SPAG9: variants seen among roughly 807,000 people sequenced by gnomAD.
SPAG9 encodes the protein sperm associated antigen 9, also known as C-Jun-amino-terminal kinase-interacting protein 4.
A neutral mutation model predicts 166.5 loss-of-function variants in SPAG9; 35 were observed. That is an observed-to-expected ratio of 0.21 (90% confidence interval 0.16 to 0.28). The LOEUF (loss-of-function observed/expected upper bound fraction) is 0.28. Ranked by LOEUF, SPAG9 falls within the 10% of genes least tolerant of loss-of-function variation. The pLI, the probability that SPAG9 is intolerant of heterozygous loss-of-function variation, is 1.00. For synonymous variants in SPAG9, 534 were observed against 565.5 expected, an observed-to-expected ratio of 0.94 and a Z score of 0.79; for missense variants, 1,235 against 1,603.3, an observed-to-expected ratio of 0.77 and a Z score of 3.92.
At chr17:51,055,686 T>C (rs2047345234) in intron 3 of SPAG9, among the ~76,000 whole-genome samples, 1 of 152,126 alleles carries the variant, frequency 6.6e-6, no homozygotes, top group Admixed American at 6.5e-5. Context: ...GGAATTATTT[T>C]TTTCATGTAA....
intron 5 of SPAG9, among the ~76,000 whole-genome samples, chr17:51,033,324 A>G (rs2046458614): frequency 6.6e-6 from 1 of 151,824 alleles, no homozygotes; most frequent in African/African-American, 2.4e-5. Context: ...AAAAAAAAAA[A>G]AAGCAAGCAG....
chr17:51,051,040 A>AAC (rs1433839309), intron 3 of SPAG9, among the ~76,000 whole-genome samples: 16 of 151,108 alleles, frequency 1.1e-4, no homozygotes, highest in Non-Finnish European at 2.9e-5. Flanking sequence ...AAATAAAAAA[A>AAC]AAACAAAAAG....
chr17:51,059,211 T>G (rs528427528), intron 2 of SPAG9, among the ~76,000 whole-genome samples: 88 of 152,162 alleles, frequency 5.8e-4, no homozygotes, highest in Non-Finnish European at 7.9e-4. Flanking sequence ...TAGTTACCTC[T>G]GGGGAGGAGT....
At chr17:51,015,125 A>G (rs2045642855) in intron 8 of SPAG9, among the ~76,000 whole-genome samples, 2 of 152,218 alleles carry the variant, frequency 1.3e-5, no homozygotes, top group South Asian at 4.1e-4. Context: ...ACTATAGCAG[A>G]TGAAATGTGA....
chr17:51,054,116 CTTTTTTTTTT>C (rs1157639358), intron 3 of SPAG9, among the ~76,000 whole-genome samples: 1 of 73,948 alleles, frequency 1.4e-5, no homozygotes, highest in African/African-American at 5.5e-5. Context: ...AATGTGAGGG[CTTTTTTTTTT>C]TTTTTTTTTT....
At chr17:51,003,389 G>A (rs1340279679) in intron 12 of SPAG9, among the ~76,000 whole-genome samples, 5 of 152,116 alleles carry the variant, frequency 3.3e-5, no homozygotes, top group Non-Finnish European at 7.4e-5. Context: ...TTCATGCTCT[G>A]TAACAATCGT....
At chr17:51,043,791 C>G (rs554384381) in intron 4 of SPAG9, among the ~76,000 whole-genome samples, 75 of 152,302 alleles carry the variant, frequency 4.9e-4, no homozygotes, top group Non-Finnish European at 8.8e-4. Context: ...ATAAGACTCC[C>G]TCACACTAAT....
chr17:51,077,061 T>TCTAGCTAG (rs1207956785), intron 2 of SPAG9, among the ~76,000 whole-genome samples: 1 of 109,656 alleles, frequency 9.1e-6, no homozygotes, highest in East Asian at 2.6e-4. Flanking sequence ...TAGCTAGCTA[T>TCTAGCTAG]CTAGCTAGCT....
rs371697971 is a variant in SPAG9 at position 50,999,644 on chromosome 17, T to C, written c.1664+17A>G. 4 of 1,606,644 alleles carry C rather than the reference T, an allele frequency of 2.5e-6. No individual in the cohort carries two copies. The highest frequency in any genetic ancestry group is 2.6e-6 in the Non-Finnish European group (3 of 1,174,184). On this transcript the variant is annotated intron_variant, in intron 14 of 29. Transcript: ENST00000262013. ...TGTCTCATGTGCTGTCTAACATCTTTGTTTTTCAATACTTACAACTGCCAA... is the reference window on the plus strand; with the variant it reads ...TGTCTCATGTGCTGTCTAACATCTTCGTTTTTCAATACTTACAACTGCCAA...
At chr17:50,981,608 T>C (rs1214540313) in intron 25 of SPAG9, among the ~76,000 whole-genome samples, 2 of 151,796 alleles carry the variant, frequency 1.3e-5, no homozygotes, top group African/African-American at 4.8e-5. Flanking sequence ...TTGAGACTTC[T>C]AGGGAAAGAA....
At chr17:51,005,714 G>A (rs2045185906) in intron 11 of SPAG9, among the ~76,000 whole-genome samples, 3 of 152,196 alleles carry the variant, frequency 2.0e-5, no homozygotes, top group Non-Finnish European at 4.4e-5. Flanking sequence ...AGCTGTGTGT[G>A]GTGGCAGGCA....
chr17:51,086,032 A>C (rs2048297855), intron 1 of SPAG9, among the ~76,000 whole-genome samples: 1 of 139,808 alleles, frequency 7.2e-6, no homozygotes, highest in Non-Finnish European at 1.5e-5. Flanking sequence ...GCAGTGGTGC[A>C]ATCTCAGCTC....
intron 1 of SPAG9, among the ~76,000 whole-genome samples, chr17:51,119,359 T>C (rs1009201056): frequency 7.2e-5 from 11 of 152,124 alleles, no homozygotes; most frequent in African/African-American, 2.4e-4. Context: ...GTGTGCTAGG[T>C]GCTTGAGAAA....
chr17:50,997,007 G>C (rs1173964560), intron 15 of SPAG9, among the ~76,000 whole-genome samples: 1 of 152,208 alleles, frequency 6.6e-6, no homozygotes, highest in Non-Finnish European at 1.5e-5. Context: ...AGGCACGGTA[G>C]TGCGGACCTA....
rs1974468144 is a variant in SPAG9, at chr17:50,979,891, C to T, written c.3264G>A (p.Lys1088=). The change falls in exon 26 of 30, where the codon AAG becomes AAA. Residue 1088 remains lysine (K), a synonymous_variant. Transcript: ENST00000262013. The part of the protein sequence containing the change: ...IEKSFDAHPR[K]ESQVRQLAWV... ...ACGCAAGCTGTCGCACTTGGCTCTC[C>T]TTCCTGGGATGTGCATCAAAAGATT... is the stretch of plus-strand genomic sequence containing the variant. The T allele has an allele frequency of 6.2e-7, 1 of 1,613,822 alleles. No individual in the cohort carries two copies. Among genetic ancestry groups the T allele is most frequent in the Non-Finnish European group, 8.5e-7 (1 of 1,179,822 alleles).
rs114803254 is a variant in SPAG9 at position 51,116,633 on chromosome 17, G to A, written c.303+3721C>T. Among the ~76,000 whole-genome samples, 194 of 152,128 alleles carry A rather than the reference G, an allele frequency of 1.3e-3. 1 individual carries two copies. The highest frequency in any genetic ancestry group is 4.5e-3 in the African/African-American group (185 of 41,500). The stretch of plus-strand genomic sequence containing the variant: ...AATTTAATTAGCCCAGTGTGGTAAC[G>A]CATGTCTGTGGTCCTAGCTACTCAG... On this transcript the variant is annotated intron_variant, in intron 1 of 29. Coordinates refer to ENST00000262013, the MANE Select transcript of SPAG9 (RefSeq NM_001130528.3).
chr17:50,983,187 C>T (rs1974782470), intron 24 of SPAG9, among the ~76,000 whole-genome samples: 1 of 152,170 alleles, frequency 6.6e-6, no homozygotes, highest in African/African-American at 2.4e-5. Flanking sequence ...AGCATACTGC[C>T]TCACAAAGCA....
At chr17:51,110,038 T>C (rs1039728782) in intron 1 of SPAG9, among the ~76,000 whole-genome samples, 5 of 152,092 alleles carry the variant, frequency 3.3e-5, no homozygotes, top group African/African-American at 1.2e-4. Context: ...ACGTAAATAA[T>C]ATGGTGGTTA....
At chr17:51,031,584 G>T in intron 6 of SPAG9, 97 bp downstream of exon 6, 1 of 869,726 alleles carries the variant, frequency 1.1e-6, no homozygotes, top group Non-Finnish European at 1.9e-6. Context: ...CTTCCAAGCT[G>T]AGCATCTGAT....
Sources: allele counts gnomAD v4.1 joint callset (sites outside exome capture counted in the v4.1 genomes callset), GRCh38; gene constraint gnomAD v4.1.1; transcripts MANE v1.5; gene names NCBI Gene and HGNC (gene_info 2026-07-23, HGNC 2026-07-21).